CNTN4: variants seen among roughly 807,000 people sequenced by gnomAD.
CNTN4 encodes contactin 4.
A neutral mutation model predicts 122.5 loss-of-function variants in CNTN4; 77 were observed. That is an observed-to-expected ratio of 0.63 (90% confidence interval 0.52 to 0.76). The LOEUF is 0.76. CNTN4 is among the 30% of genes least tolerant of loss of function. The pLI, the probability that CNTN4 is intolerant of heterozygous loss-of-function variation, is 0.00. For missense variants in CNTN4, 1,256 were observed against 1,259.1 expected, an observed-to-expected ratio of 1.00 and a Z score of 0.04; for synonymous variants, 512 against 447.0, an observed-to-expected ratio of 1.15 and a Z score of -1.83.
chr3:2,557,104 C>G (rs1416839390), intron 3 of CNTN4, among the ~76,000 whole-genome samples: 1 of 152,170 alleles, frequency 6.6e-6, no homozygotes, highest in Non-Finnish European at 1.5e-5. Context: ...CATGTTATCA[C>G]TAATTAGGAT....
chr3:2,833,602 A>T (rs1043398165), intron 7 of CNTN4, among the ~76,000 whole-genome samples: 1 of 146,154 alleles, frequency 6.8e-6, no homozygotes, highest in East Asian at 2.1e-4. Context: ...GGAAGAAAAA[A>T]AATTATGGTA....
intron 6 of CNTN4, among the ~76,000 whole-genome samples, chr3:2,783,107 T>C (rs1243461185): frequency 6.6e-6 from 1 of 151,560 alleles, no homozygotes; most frequent in Non-Finnish European, 1.5e-5. Flanking sequence ...AGTGAGATTT[T>C]CTCTCTACTA....
At chr3:2,751,852 T>A (rs988496362) in intron 6 of CNTN4, among the ~76,000 whole-genome samples, 2 of 152,170 alleles carry the variant, frequency 1.3e-5, no homozygotes, top group African/African-American at 2.4e-5. Context: ...CATTTTTTTT[T>A]AACTTAGGAA....
chr3:2,532,364 C>T (rs1281968995), intron 3 of CNTN4, among the ~76,000 whole-genome samples: 3 of 152,060 alleles, frequency 2.0e-5, no homozygotes, highest in African/African-American at 7.2e-5. Context: ...AGGTGGACCT[C>T]CTCCCTCAGC....
chr3:2,845,586 G>A (rs2093442903), intron 7 of CNTN4, among the ~76,000 whole-genome samples: 1 of 152,182 alleles, frequency 6.6e-6, no homozygotes, highest in Non-Finnish European at 1.5e-5. Flanking sequence ...TCCCAAAAGT[G>A]TAGGACAAGC....
rs143964871 is a variant in CNTN4 at position 2,482,961 on chromosome 3, A to G, written c.-88-88455A>G. Among the ~76,000 whole-genome samples the G allele has an allele frequency of 3.8e-3, 579 of 152,290 alleles. 1 individual carries two copies. Among genetic ancestry groups the G allele is most frequent in the African/African-American group, 0.013 (543 of 41,560 alleles). On this transcript the variant is annotated intron_variant, in intron 3 of 24. Coordinates refer to ENST00000418658, the MANE Select transcript of CNTN4 (RefSeq NM_175607.3). ...CCCCACACTGAGTCCCCACTGTGGC[A>G]CTGCCTAGTGGAGCTATGAGAAGAA... is the stretch of plus-strand genomic sequence containing the variant.
intron 13 of CNTN4, among the ~76,000 whole-genome samples, chr3:2,978,011 C>T (rs1469308205): frequency 2.6e-5 from 4 of 152,188 alleles, no homozygotes; most frequent in Non-Finnish European, 5.9e-5. Flanking sequence ...AAAGGGCCAA[C>T]AGCCGCCAGA....
intron 6 of CNTN4, among the ~76,000 whole-genome samples, chr3:2,803,076 G>T (rs569954091): frequency 4.6e-5 from 7 of 152,214 alleles, no homozygotes; most frequent in African/African-American, 1.4e-4. Flanking sequence ...AGTGAATGAA[G>T]AACTCCAATG....
At chr3:2,888,228 C>G (rs2094000402) in intron 10 of CNTN4, among the ~76,000 whole-genome samples, 1 of 152,172 alleles carries the variant, frequency 6.6e-6, no homozygotes, top group African/African-American at 2.4e-5. Context: ...TAAGGGGGGG[C>G]CCAGAGTAAC....
intron 4 of CNTN4, among the ~76,000 whole-genome samples, chr3:2,665,357 A>T (rs2150325559): frequency 6.6e-6 from 1 of 152,298 alleles, no homozygotes; most frequent in African/African-American, 2.4e-5. Context: ...TTTCTGTGGG[A>T]TGCATTTTGA....
At chr3:2,933,416 A>G (rs1351261754) in intron 13 of CNTN4, among the ~76,000 whole-genome samples, 1 of 151,628 alleles carries the variant, frequency 6.6e-6, no homozygotes, top group African/African-American at 2.4e-5. Context: ...CTGGGGAGAT[A>G]CGTGGCCTTC....
Position 2,473,198 on chromosome 3 carries a change from T to A in CNTN4, c.-88-98218T>A, listed in dbSNP as rs544935881. On this transcript the variant is annotated intron_variant, in intron 3 of 24. Coordinates refer to ENST00000418658, the MANE Select transcript of CNTN4 (RefSeq NM_175607.3). ...GTGAGCCAAAATCGTGCCACTGTGC[T>A]CCAGCCTGGGCAACAAGAGCAAAAC... Among the ~76,000 whole-genome samples the A allele has an allele frequency of 3.1e-4, 42 of 135,996 alleles. No homozygotes were observed. The South Asian group carries it at 9.9e-3, about 32-fold the overall frequency. The allele number at this position is 135,996 out of a possible 152,430, so 89.2% of individuals were successfully genotyped here. A position where few individuals can be genotyped will look rare whatever the true frequency, so the allele number is the denominator to read the frequency against.
At chr3:2,862,991 G>T (rs914636774) in intron 7 of CNTN4, among the ~76,000 whole-genome samples, 1 of 152,102 alleles carries the variant, frequency 6.6e-6, no homozygotes, top group African/African-American at 2.4e-5. Context: ...GTTATAGTCC[G>T]CCTCACCCCT....
At chr3:2,952,736 TCTTTA>T (rs1307908858) in intron 13 of CNTN4, among the ~76,000 whole-genome samples, 15 of 152,220 alleles carry the variant, frequency 9.9e-5, no homozygotes, top group African/African-American at 3.6e-4. Flanking sequence ...TTCAGTTTCT[TCTTTA>T]GAACTGCTGT....
At chr3:2,103,722 ATC>A (rs1017033370) in intron 2 of CNTN4, among the ~76,000 whole-genome samples, 25 of 54,910 alleles carry the variant, frequency 4.6e-4, no homozygotes, top group East Asian at 1.8e-3. Context: ...TTTTTTATTT[ATC>A]TATTTATTTA....
chr3:2,582,959 C>G (rs1576092622), intron 4 of CNTN4, among the ~76,000 whole-genome samples: 1 of 148,540 alleles, frequency 6.7e-6, no homozygotes, highest in African/African-American at 2.5e-5. Flanking sequence ...AGAATGATGT[C>G]AAATAGATTT....
chr3:2,303,621 C>A (rs1462823535), intron 2 of CNTN4, among the ~76,000 whole-genome samples: 1 of 152,122 alleles, frequency 6.6e-6, no homozygotes, highest in East Asian at 1.9e-4. Context: ...GCTCATTTGA[C>A]CACAGCTGTC....
At chr3:2,109,932 A>G (rs2032812895) in intron 2 of CNTN4, among the ~76,000 whole-genome samples, 1 of 152,262 alleles carries the variant, frequency 6.6e-6, no homozygotes. Flanking sequence ...TGCATATCTA[A>G]TTCTTAGTAA....
chr3:2,838,935 G>A (rs1374279325), intron 7 of CNTN4, among the ~76,000 whole-genome samples: 1 of 152,136 alleles, frequency 6.6e-6, no homozygotes. Flanking sequence ...AAGACATCTG[G>A]CATCTGTAAC....
Sources: gnomAD v4.1 joint callset for allele counts (sites outside exome capture counted in the v4.1 genomes callset) on GRCh38, gnomAD v4.1.1 for gene constraint, MANE v1.5 for transcripts, NCBI Gene and HGNC (gene_info 2026-07-23, HGNC 2026-07-21) for gene names.